The following METTL15 variants were observed in gnomAD, a reference collection of about 807,000 sequenced individuals.
METTL15 encodes methyltransferase 15, mitochondrial 12S rRNA N4-cytidine.
In METTL15, 34 loss-of-function variants were observed where a neutral mutation model predicts 38.3. That is an observed-to-expected ratio of 0.89 (90% CI 0.68 to 1.18). The LOEUF (loss-of-function observed/expected upper bound fraction) is 1.18. Among genes scored for constraint, METTL15 ranks in the 50% most tolerant of loss-of-function variants. METTL15 has a pLI of 0.00. For missense variants in METTL15, 438 were observed against 498.4 expected (o/e 0.88, Z 1.15); for synonymous variants, 162 against 170.9 (o/e 0.95, Z 0.41).
intron 6 of METTL15, among the ~76,000 whole-genome samples, chr11:28,472,268 C>T (rs1372193997): frequency 6.6e-6 from 1 of 152,110 alleles, no homozygotes; most frequent in East Asian, 1.9e-4. Flanking sequence ...TGGAAGTTCA[C>T]CACTGATAGA....
At chr11:28,364,438 T>C (rs1850168025) in intron 5 of METTL15, among the ~76,000 whole-genome samples, 1 of 152,174 alleles carries the variant, frequency 6.6e-6, no homozygotes, top group African/African-American at 2.4e-5. Flanking sequence ...ATTTTCCTCA[T>C]AGCTATTGTA....
At chr11:28,174,447 T>A (rs1275644100) in intron 3 of METTL15, among the ~76,000 whole-genome samples, 1 of 152,176 alleles carries the variant, frequency 6.6e-6, no homozygotes, top group Non-Finnish European at 1.5e-5. Flanking sequence ...TATGCAGCAT[T>A]ATTTCAAATT....
At chr11:28,217,494 C>T (rs554071374) in intron 4 of METTL15, among the ~76,000 whole-genome samples, 19 of 152,156 alleles carry the variant, frequency 1.2e-4, no homozygotes, top group African/African-American at 4.3e-4. Flanking sequence ...AAAATTTTCT[C>T]CCATTCTGTA....
chr11:28,118,392 G>T (rs534679914), intron 3 of METTL15, among the ~76,000 whole-genome samples: 1 of 152,096 alleles, frequency 6.6e-6, no homozygotes, highest in East Asian at 1.9e-4. Context: ...TAATTGTTAA[G>T]GAGAAATTAA....
At chr11:28,140,264 A>G (rs1849654317) in intron 3 of METTL15, among the ~76,000 whole-genome samples, 1 of 152,192 alleles carries the variant, frequency 6.6e-6, no homozygotes, top group Non-Finnish European at 1.5e-5. Flanking sequence ...CATCTTTAAC[A>G]TTATAAAAGA....
chr11:28,208,050 CA>C, intron 3 of METTL15, among the ~76,000 whole-genome samples: 1 of 152,114 alleles, frequency 6.6e-6, no homozygotes, highest in Non-Finnish European at 1.5e-5. Flanking sequence ...TTGATCGTTT[CA>C]AAAAACCAGC....
chr11:28,431,436 G>GA (rs1850927271), intron 6 of METTL15, among the ~76,000 whole-genome samples: 1 of 92,566 alleles, frequency 1.1e-5, no homozygotes, highest in Non-Finnish European at 2.3e-5. Flanking sequence ...TCTGCACTAA[G>GA]AAAAATTCTT....
intron 3 of METTL15, among the ~76,000 whole-genome samples, chr11:28,126,070 G>A (rs1852469091): frequency 1.3e-5 from 2 of 152,056 alleles, no homozygotes; most frequent in South Asian, 4.2e-4. Context: ...TTTAATCTAA[G>A]CAAATTGGTG....
At chr11:28,500,897 A>G (rs561477239) in intron 6 of METTL15, among the ~76,000 whole-genome samples, 19 of 152,316 alleles carry the variant, frequency 1.2e-4, no homozygotes, top group South Asian at 6.2e-4. Context: ...CCCAAGTGCT[A>G]TATCTATCAC....
At chr11:28,421,277 C>T (rs1473294347) in intron 5 of METTL15, among the ~76,000 whole-genome samples, 1 of 151,832 alleles carries the variant, frequency 6.6e-6, no homozygotes, top group Non-Finnish European at 1.5e-5. Flanking sequence ...TGAATTTTAC[C>T]GAACATTTAA....
intron 5 of METTL15, among the ~76,000 whole-genome samples, chr11:28,370,433 A>T (rs1850231531): frequency 6.6e-6 from 1 of 151,952 alleles, no homozygotes. Context: ...ATGTCTACAT[A>T]TCATATTTAC....
At chr11:28,236,514 C>T (rs1853983632) in intron 4 of METTL15, among the ~76,000 whole-genome samples, 1 of 152,192 alleles carries the variant, frequency 6.6e-6, no homozygotes. Flanking sequence ...AGAGATTCAA[C>T]TTCTTCCTGG....
intron 4 of METTL15, among the ~76,000 whole-genome samples, chr11:28,222,426 A>G (rs1048986389): frequency 2.0e-5 from 3 of 152,142 alleles, no homozygotes; most frequent in Non-Finnish European, 4.4e-5. Flanking sequence ...GGTGGGAGTA[A>G]CCCGATTTTC....
intron 6 of METTL15, among the ~76,000 whole-genome samples, chr11:28,511,330 A>G (rs564830035): frequency 6.6e-6 from 1 of 152,350 alleles, no homozygotes; most frequent in African/African-American, 2.4e-5. Flanking sequence ...CATGTATTAT[A>G]TATACTGTAT....
At chr11:28,488,205 A>G (rs1486046445) in intron 6 of METTL15, among the ~76,000 whole-genome samples, 2 of 152,202 alleles carry the variant, frequency 1.3e-5, no homozygotes, top group African/African-American at 4.8e-5. Flanking sequence ...AGACCAATTA[A>G]AGCAAAATTA....
At chr11:28,309,407 A>T (rs371296212) in intron 6 of METTL15, among the ~76,000 whole-genome samples, 1 of 152,034 alleles carries the variant, frequency 6.6e-6, no homozygotes, top group African/African-American at 2.4e-5. Context: ...GTCCTAACCA[A>T]CTTCTACTTC....
At chr11:28,311,007 A>T (rs867539953) in intron 6 of METTL15, among the ~76,000 whole-genome samples, 31 of 125,794 alleles carry the variant, frequency 2.5e-4, no homozygotes, top group African/African-American at 6.7e-4. Flanking sequence ...TGTGTGTGAG[A>T]GAGAGAGAGA....
chr11:28,317,657 C>G (rs1259950238), intron 6 of METTL15, among the ~76,000 whole-genome samples: 1 of 152,156 alleles, frequency 6.6e-6, no homozygotes, highest in Non-Finnish European at 1.5e-5. Context: ...TCTGGGACTT[C>G]AAATCATTTA....
At chr11:28,465,855 T>C (rs1436618767) in intron 6 of METTL15, among the ~76,000 whole-genome samples, 1 of 152,214 alleles carries the variant, frequency 6.6e-6, no homozygotes, top group Admixed American at 6.5e-5. Flanking sequence ...TCCACACTTG[T>C]AACCAAAAAT....
Sources: gnomAD v4.1 joint callset for allele counts (sites outside exome capture counted in the v4.1 genomes callset) on GRCh38, gnomAD v4.1.1 for gene constraint, MANE v1.5 for transcripts, NCBI Gene and HGNC (gene_info 2026-07-23, HGNC 2026-07-21) for gene names.